Variants in SFSWAP observed in about 807,000 individuals in gnomAD.
The protein encoded by SFSWAP is splicing factor, suppressor of white-apricot homolog.
Under a neutral mutation model 100.7 loss-of-function variants are expected in SFSWAP, and 17 were observed. The observed-to-expected ratio is 0.17, with a 90% CI of 0.12 to 0.25. The LOEUF (loss-of-function observed/expected upper bound fraction) is 0.25. SFSWAP is among the 10% of genes least tolerant of loss of function. The pLI, the probability that SFSWAP is intolerant of heterozygous loss-of-function variation, is 1.00. For synonymous variants in SFSWAP, 504 were observed against 510.1 expected, an observed-to-expected ratio of 0.99 and a Z score of 0.16; for missense variants, 1,005 against 1,262.6, an observed-to-expected ratio of 0.80 and a Z score of 3.09.
chr12:131,728,550 A>G lies in SFSWAP; in HGVS notation c.1081+122A>G, dbSNP rs112989257. 6.9e-4 allele frequency: 756 copies of G among 1,090,806 alleles called. 3 individuals carry two copies. In the African/African-American group the frequency reaches 8.8e-3, roughly 13 times the overall value. 67.6% of individuals were successfully genotyped at this position (1,090,806 alleles called of 1,614,324 possible). A position where few individuals can be genotyped will look rare whatever the true frequency, so the allele number is the denominator to read the frequency against. ...TAACAAGTATGGAAGCAGGCGGCCC[A>G]GAGCCTGCACATGGTCCCAAGGGAG... On this transcript the variant is annotated intron_variant, in intron 7 of 17. Coordinates refer to ENST00000261674, the MANE Select transcript of SFSWAP (RefSeq NM_004592.4).
rs148444963 is a variant in SFSWAP, at chr12:131,754,380, C to G, written c.1335C>G (p.Pro445=). 2 of 1,573,834 alleles carry G rather than the reference C, an allele frequency of 1.3e-6. No homozygotes were observed. Among genetic ancestry groups the G allele is most frequent in the African/African-American group, 1.4e-5 (1 of 72,766 alleles). Reference sequence around the variant, plus strand: ...TCTTCTCCTGCAGTGCACTTGCCCCCGTGGCCGCCATCATCCCCCCGCCCC... The same window carrying G: ...TCTTCTCCTGCAGTGCACTTGCCCCGGTGGCCGCCATCATCCCCCCGCCCC... ...STTTTTSALA[P]VAAIIPPPPD... Residue 445 remains proline, a synonymous_variant, in exon 9 of 18, where the codon CCC becomes CCG. Transcript: ENST00000261674.
rs1461697657 is a variant in SFSWAP, at chr12:131,734,897, G to T, written c.1081+6469G>T. 1.3e-5 allele frequency among the ~76,000 whole-genome samples: 2 copies of T among 150,908 alleles called. No individual in the cohort carries two copies. Among genetic ancestry groups the T allele is most frequent in the South Asian group, 2.1e-4 (1 of 4,724 alleles). ...CGCAGATACCATCTCAGCCGGCATGGCGCATGGGGGTGGGGTGGGGCAGTG... is the reference window on the plus strand; with the variant it reads ...CGCAGATACCATCTCAGCCGGCATGTCGCATGGGGGTGGGGTGGGGCAGTG... On this transcript the variant is annotated intron_variant, in intron 7 of 17. Transcript: ENST00000261674. The surrounding 1 kb of genome is among the most constrained non-coding windows in gnomAD (Gnocchi z 4.9).
intron 4 of SFSWAP, among the ~76,000 whole-genome samples, chr12:131,724,673 A>AATG (rs1216644833): frequency 6.6e-6 from 1 of 152,244 alleles, no homozygotes; most frequent in African/African-American, 2.4e-5. Flanking sequence ...GTGGGCAGGA[A>AATG]ATGCTAAGAG....
In SFSWAP at chr12:131,720,561, T is replaced by C. The variant is rs916602806; in HGVS notation, c.606+1022T>C. ...GCAAGTGGCATCGATGCAGGCATTC[T>C]CAATTCTTGTTTGTGTCCCACATCC... On this transcript the variant is annotated intron_variant, in intron 4 of 17. Transcript: ENST00000261674. Among the ~76,000 whole-genome samples the C allele has an allele frequency of 1.4e-4, 21 of 152,234 alleles. 1 individual carries two copies. Among genetic ancestry groups the C allele is most frequent in the Admixed American group, 6.5e-5 (1 of 15,290 alleles).
At chr12:131,756,943 T>C in intron 11 of SFSWAP, 1 of 283,386 alleles carries the variant, frequency 3.5e-6, no homozygotes, top group South Asian at 9.4e-5. Flanking sequence ...CTGGGACTTC[T>C]GAAACTATTT....
intron 11 of SFSWAP, 132 bp downstream of exon 11, chr12:131,756,776 G>A: frequency 2.7e-6 from 2 of 742,648 alleles, no homozygotes; most frequent in Non-Finnish European, 4.3e-6. Flanking sequence ...GGAGGTTGCT[G>A]TGGTGAAACC....
intron 7 of SFSWAP, among the ~76,000 whole-genome samples, chr12:131,742,892 T>C (rs1197914012): frequency 6.6e-6 from 1 of 152,110 alleles, no homozygotes; most frequent in African/African-American, 2.4e-5. Flanking sequence ...TCCACATGGC[T>C]GGGGAGGCCT....
Position 131,763,146 on chromosome 12 carries a change from C to T in SFSWAP, c.1721-1310C>T, listed in dbSNP as rs564154645. ...TCTGGGCTATCACATGCTTAACTGT[C>T]TACTTCACATCACACGCGGGTTTGG... On this transcript the variant is annotated intron_variant, in intron 11 of 17. Transcript: ENST00000261674. 1.7e-4 allele frequency among the ~76,000 whole-genome samples: 26 copies of T among 152,306 alleles called. No individual in the cohort carries two copies. The South Asian group carries it at 5.2e-3, about 30-fold the overall frequency.
At chr12:131,721,459 A>G (rs753729032) in intron 4 of SFSWAP, among the ~76,000 whole-genome samples, 16 of 152,220 alleles carry the variant, frequency 1.1e-4, no homozygotes, top group Non-Finnish European at 2.1e-4. Context: ...ATTATGCATG[A>G]GAGACACATT....
chr12:131,734,801 G>A lies in SFSWAP; in HGVS notation c.1081+6373G>A, dbSNP rs1390380610. On this transcript the variant is annotated intron_variant, in intron 7 of 17. Coordinates refer to ENST00000261674, the MANE Select transcript of SFSWAP (RefSeq NM_004592.4). The surrounding 1 kb of genome is among the most constrained non-coding windows in gnomAD (Gnocchi z 4.9). ...AGATGAACGAGCTCTCCCTGCGTGC[G>A]CACGTCTACGTACGCTCGTGTATGC... Among the ~76,000 whole-genome samples the A allele has an allele frequency of 2.6e-5, 4 of 152,084 alleles. No individual in the cohort carries two copies. The highest frequency in any genetic ancestry group is 4.8e-5 in the African/African-American group (2 of 41,402).
intron 7 of SFSWAP, among the ~76,000 whole-genome samples, chr12:131,741,035 C>T (rs1195236745): frequency 1.5e-5 from 2 of 129,646 alleles, no homozygotes; most frequent in South Asian, 2.6e-4. Context: ...TGCAGTGGCA[C>T]GATCTCAGCT....
rs946597913 is a variant in SFSWAP, at chr12:131,756,893, G to A, written c.1720+249G>A. On this transcript the variant is annotated intron_variant, in intron 11 of 17. Transcript: ENST00000261674. ...GTTTAACAGTCTGTTCAGTGTACTGGACATTTGTACAGAAAGTTTCAAATA... is the reference window on the plus strand; with the variant it reads ...GTTTAACAGTCTGTTCAGTGTACTGAACATTTGTACAGAAAGTTTCAAATA... 48 of 428,384 alleles carry A rather than the reference G, an allele frequency of 1.1e-4. No homozygotes were observed. The Middle Eastern group carries it at 5.3e-3, about 47-fold the overall frequency. The allele number at this position is 428,384 out of a possible 1,614,324, so 26.5% of individuals were successfully genotyped here.
chr12:131,765,358 C>A (rs1267134208), intron 12 of SFSWAP, among the ~76,000 whole-genome samples: 1 of 152,186 alleles, frequency 6.6e-6, no homozygotes, highest in Non-Finnish European at 1.5e-5. Flanking sequence ...TGAAAGAGGC[C>A]AATTTTCAGG....
At chr12:131,780,483 C>T (rs1884409899) in intron 14 of SFSWAP, among the ~76,000 whole-genome samples, 1 of 152,140 alleles carries the variant, frequency 6.6e-6, no homozygotes, top group South Asian at 2.1e-4. Context: ...GAAAACCTAT[C>T]TCTACAAAAT....
rs1474998486 is a variant in SFSWAP, at chr12:131,719,460, A to G, written c.527A>G (p.Asn176Ser). The G allele has an allele frequency of 6.2e-7, 1 of 1,613,994 alleles. No individual in the cohort carries two copies. Among genetic ancestry groups the G allele is most frequent in the Admixed American group, 1.7e-5 (1 of 60,014 alleles). Residue 176 changes from asparagine (N) to serine (S), a missense_variant, in exon 4 of 18, where the codon AAT becomes AGT. Physicochemically the swap from Asn to Ser is conservative, Grantham distance 46. This residue lies in a region of SFSWAP where 237 missense variants were observed against 337.0 expected (regional missense o/e 0.70). Transcript: ENST00000261674. ...TAATTTTCTTTTTATGCAGAAAAAA[A>G]TGAGGCCGAAAATTTAGAGGAAAAT... ...EEEPSKQREK[N>S]EAENLEENEE...
intron 11 of SFSWAP, among the ~76,000 whole-genome samples, chr12:131,763,267 C>T (rs929823819): frequency 2.6e-5 from 4 of 152,216 alleles, no homozygotes; most frequent in African/African-American, 9.7e-5. Context: ...TAAGTTGCAG[C>T]CCTTCCAGAA....
intron 7 of SFSWAP, among the ~76,000 whole-genome samples, chr12:131,747,058 C>A (rs895394272): frequency 6.8e-6 from 1 of 147,242 alleles, no homozygotes; most frequent in Non-Finnish European, 1.5e-5. Flanking sequence ...GAGCCGAGAT[C>A]GCACCACTGC....
At chr12:131,768,333 T>C (rs1883295072) in intron 13 of SFSWAP, among the ~76,000 whole-genome samples, 1 of 152,138 alleles carries the variant, frequency 6.6e-6, no homozygotes, top group Non-Finnish European at 1.5e-5. Flanking sequence ...TTTCTAAGAG[T>C]CCAGGGCCAT....
At chr12:131,742,299 TCTCTGGAAC>T (rs1404847116) in intron 7 of SFSWAP, among the ~76,000 whole-genome samples, 1 of 152,098 alleles carries the variant, frequency 6.6e-6, no homozygotes, top group African/African-American at 2.4e-5. Context: ...TACCCACAAC[TCTCTGGAAC>T]CTATTTTTAT....
Sources: gnomAD v4.1 joint callset for allele counts (sites outside exome capture counted in the v4.1 genomes callset) on GRCh38, gnomAD v4.1.1 for gene constraint, gnomAD v4.1.1 regional missense constraint, Gnocchi (gnomAD v3.1) non-coding constraint, MANE v1.5 for transcripts, NCBI Gene and HGNC (gene_info 2026-07-23, HGNC 2026-07-21) for gene names.